Variants in PHF14 observed in about 807,000 individuals in gnomAD.
PHF14 encodes PHD finger protein 14.
Under a neutral mutation model 117.9 loss-of-function variants are expected in PHF14, and 55 were observed. The observed-to-expected ratio is 0.47, with a 90% CI of 0.38 to 0.58. The LOEUF (loss-of-function observed/expected upper bound fraction) is 0.58, where lower values mean the gene tolerates loss of function less well. Among genes scored for constraint, PHF14 ranks in the 20% least tolerant of loss-of-function variants. PHF14 has a pLI of 0.00. For missense variants in PHF14, 978 were observed against 1,122.2 expected, an observed-to-expected ratio of 0.87 and a Z score of 1.84; for synonymous variants, 409 against 368.6, an observed-to-expected ratio of 1.11 and a Z score of -1.26.
At chr7:11,094,080 C>T (rs552341119) in intron 16 of PHF14, among the ~76,000 whole-genome samples, 12 of 152,196 alleles carry the variant, frequency 7.9e-5, no homozygotes, top group Non-Finnish European at 1.3e-4. Context: ...GTCTTTCCCA[C>T]TGTGGTGGCC....
intron 16 of PHF14, chr7:11,062,783 G>T: frequency 2.0e-6 from 2 of 985,192 alleles, no homozygotes; most frequent in Non-Finnish European, 2.4e-6. Context: ...CTGGTGAGAT[G>T]GGGGAGTGAG....
At chr7:11,160,849 C>G (rs949119443) in intron 17 of PHF14, among the ~76,000 whole-genome samples, 1 of 152,068 alleles carries the variant, frequency 6.6e-6, no homozygotes, top group Non-Finnish European at 1.5e-5. Context: ...AATACCTTCT[C>G]CCATTCTGTA....
rs1334165850 is a variant in PHF14, at chr7:11,149,411, TGGG to T, written c.2773-20004_2773-20002del. On this transcript the variant is annotated intron_variant, in intron 17 of 17. Coordinates refer to ENST00000634607, the MANE Select transcript of PHF14 (RefSeq NM_001007157.2). ...CCCTGGGGAAGTTCATTATGTATTC[TGGG>T]AATGGCTTTTCTATCTACAGACTAA... 3.3e-5 allele frequency among the ~76,000 whole-genome samples: 5 copies of T among 152,266 alleles called. No individual in the cohort carries two copies. The East Asian group carries it at 9.6e-4, about 29-fold the overall frequency.
At chr7:11,093,339 C>A (rs529800375) in intron 16 of PHF14, among the ~76,000 whole-genome samples, 3 of 152,098 alleles carry the variant, frequency 2.0e-5, no homozygotes, top group South Asian at 4.1e-4. Context: ...AGAATACTTA[C>A]GCCTGAAAAG....
intron 2 of PHF14, among the ~76,000 whole-genome samples, chr7:10,976,662 T>G (rs570102531): frequency 6.6e-6 from 1 of 152,144 alleles, no homozygotes; most frequent in Non-Finnish European, 1.5e-5. Context: ...TTTCTCAAAA[T>G]ATTTTATGAT....
At chr7:11,116,095 G>A (rs1787594977) in intron 17 of PHF14, among the ~76,000 whole-genome samples, 1 of 152,002 alleles carries the variant, frequency 6.6e-6, no homozygotes, top group African/African-American at 2.4e-5. Context: ...GTTTTATTCA[G>A]TGGGGTTATA....
chr7:11,160,637 A>G (rs1431815789), intron 17 of PHF14, among the ~76,000 whole-genome samples: 1 of 152,058 alleles, frequency 6.6e-6, no homozygotes, highest in Non-Finnish European at 1.5e-5. Flanking sequence ...AAAAGAGATA[A>G]TATCTTTTTG....
intron 17 of PHF14, among the ~76,000 whole-genome samples, chr7:11,166,698 C>T (rs1049877278): frequency 2.6e-5 from 4 of 151,986 alleles, no homozygotes; most frequent in Non-Finnish European, 4.4e-5. Context: ...GCCTTTTTCA[C>T]CCCTTCATAA....
chr7:11,142,578 A>G (rs1788431237), intron 17 of PHF14, among the ~76,000 whole-genome samples: 1 of 152,082 alleles, frequency 6.6e-6, no homozygotes, highest in Non-Finnish European at 1.5e-5. Context: ...TGTGTCTTCC[A>G]TATATTAAAG....
chr7:11,036,929 TC>T, intron 9 of PHF14, 55 bp from the exon 10 acceptor site: 1 of 1,187,114 alleles, frequency 8.4e-7, no homozygotes, highest in Non-Finnish European at 1.2e-6. Flanking sequence ...GCTAGTTTCT[TC>T]CTATGTCAGT....
At chr7:11,067,762 A>G (rs571798853) in intron 16 of PHF14, among the ~76,000 whole-genome samples, 1 of 152,302 alleles carries the variant, frequency 6.6e-6, no homozygotes, top group African/African-American at 2.4e-5. Flanking sequence ...GCTTTCACTC[A>G]TGGTGAAAGG....
At chr7:11,164,977 T>C (rs917258575) in intron 17 of PHF14, among the ~76,000 whole-genome samples, 1 of 152,232 alleles carries the variant, frequency 6.6e-6, no homozygotes, top group Non-Finnish European at 1.5e-5. Context: ...CAGGCTGCAG[T>C]GCAGTGGCGC....
intron 4 of PHF14, among the ~76,000 whole-genome samples, chr7:10,999,860 T>A (rs1782798556): frequency 6.6e-6 from 1 of 152,224 alleles, no homozygotes; most frequent in African/African-American, 2.4e-5. Flanking sequence ...TAACAACTCT[T>A]CTTGTGTAAT....
At chr7:11,134,859 A>C (rs1788174579) in intron 17 of PHF14, among the ~76,000 whole-genome samples, 1 of 152,150 alleles carries the variant, frequency 6.6e-6, no homozygotes. Flanking sequence ...TGAATAATTC[A>C]GTAGAGCAAC....
intron 16 of PHF14, chr7:11,107,141 C>A (rs1318966696): frequency 1.0e-6 from 1 of 984,238 alleles, no homozygotes; most frequent in Non-Finnish European, 1.2e-6. Context: ...CTTTGGAATA[C>A]TGACTTTTGG....
chr7:10,980,308 G>A (rs1439988918), intron 2 of PHF14, among the ~76,000 whole-genome samples: 1 of 151,980 alleles, frequency 6.6e-6, no homozygotes, highest in African/African-American at 2.4e-5. Context: ...TCTTAATTAT[G>A]GCATTGCTTC....
At position 11,112,646 on chromosome 7, in the gene PHF14, C is replaced by T. The variant is rs140691324; in HGVS notation, c.2772+1179C>T. Among the ~76,000 whole-genome samples the T allele has an allele frequency of 6.6e-3, 998 of 152,068 alleles. 10 individuals are homozygous for T. Among genetic ancestry groups the T allele is most frequent in the African/African-American group, 0.023 (949 of 41,474 alleles). On this transcript the variant is annotated intron_variant, in intron 17 of 17. Transcript: ENST00000634607. ...ATTAGCCAGACATGGTGGCGAGTGC[C>T]TCTAATCCCAGCTACTTGGGAGGCT...
chr7:11,151,425 G>A lies in PHF14; in HGVS notation c.2773-17991G>A, dbSNP rs181922514. The stretch of plus-strand genomic sequence containing the variant: ...TAAAAACAAATTAGCTGGTTGTGGT[G>A]GTGCACACCTATAGTTCCAACTACT... On this transcript the variant is annotated intron_variant, in intron 17 of 17. Transcript: ENST00000634607. 5.3e-4 allele frequency among the ~76,000 whole-genome samples: 81 copies of A among 152,156 alleles called. 1 individual carries two copies. The highest frequency in any genetic ancestry group is 4.6e-3 in the Admixed American group (71 of 15,280).
chr7:11,151,601 A>G (rs1788703260), intron 17 of PHF14, among the ~76,000 whole-genome samples: 1 of 152,082 alleles, frequency 6.6e-6, no homozygotes, highest in Non-Finnish European at 1.5e-5. Flanking sequence ...TGTTGTTCTT[A>G]ACTGTAGCAT....
Sources: allele counts gnomAD v4.1 joint callset (sites outside exome capture counted in the v4.1 genomes callset), GRCh38; gene constraint gnomAD v4.1.1; transcripts MANE v1.5; gene names NCBI Gene and HGNC (gene_info 2026-07-23, HGNC 2026-07-21).